JAG1: variants seen among roughly 807,000 people sequenced by gnomAD.
The protein encoded by JAG1 is protein jagged-1.
In JAG1, 23 loss-of-function variants were observed where a neutral mutation model predicts 148.7. That is an observed-to-expected ratio of 0.15 (90% CI 0.11 to 0.22). The LOEUF is 0.22. Ranked by LOEUF, JAG1 falls within the 10% of genes least tolerant of loss-of-function variation. The pLI is 1.00. For missense variants in JAG1, 1,054 were observed against 1,611.2 expected (o/e 0.65, Z 5.92); for synonymous variants, 572 against 598.3 (o/e 0.96, Z 0.64).
At chr20:10,655,489 C>G (rs1055926395) in intron 5 of JAG1, among the ~76,000 whole-genome samples, 1 of 152,144 alleles carries the variant, frequency 6.6e-6, no homozygotes, top group Non-Finnish European at 1.5e-5. Context: ...CTGGGCTCAG[C>G]CCAGACCTAT....
intron 11 of JAG1, 45 bp from the exon 12 acceptor site, chr20:10,648,767 T>C (rs552780720): frequency 2.2e-5 from 35 of 1,578,582 alleles, no homozygotes; most frequent in Admixed American, 6.7e-5. Flanking sequence ...TTTTTTTCTA[T>C]GTATTCCACA....
At chr20:10,647,327 A>G in intron 13 of JAG1, 1 of 550,572 alleles carries the variant, frequency 1.8e-6, no homozygotes, top group African/African-American at 1.9e-5. Context: ...CCTCCACACA[A>G]CCAGGAAAAC....
intron 2 of JAG1, among the ~76,000 whole-genome samples, chr20:10,670,974 C>T (rs2067491286): frequency 6.6e-6 from 1 of 152,256 alleles, no homozygotes; most frequent in Non-Finnish European, 1.5e-5. Context: ...AGCGAGGGAG[C>T]AAGCCTCCTT....
chr20:10,649,728 G>T, intron 9 of JAG1, 93 bp from the exon 10 acceptor site: 2 of 750,208 alleles, frequency 2.7e-6, no homozygotes, highest in Non-Finnish European at 4.8e-6. Flanking sequence ...GTTTGTCTGA[G>T]ACATGAGACA....
chr20:10,658,406 G>A (rs1446240018), intron 4 of JAG1, 62 bp downstream of exon 4: 2 of 1,602,980 alleles, frequency 1.2e-6, no homozygotes, highest in Non-Finnish European at 1.7e-6. Flanking sequence ...GCCTGCTGGT[G>A]GGGTGATAAA....
chr20:10,663,983 T>C lies in JAG1; in HGVS notation c.419A>G (p.Asp140Gly). 1.2e-6 allele frequency: 2 copies of C among 1,613,874 alleles called. No homozygotes were observed. The highest frequency in any genetic ancestry group is 1.7e-6 in the Non-Finnish European group (2 of 1,179,796). ...CTTACGAACGGTGTCATTACTGGAA[T>C]CCCACGCCTCCACAAGCAACGTATA... The part of the protein sequence containing the change: ...RSYTLLVEAW[D>G]SSNDTVQPDS... Residue 140 changes from aspartate to glycine, a missense_variant, in exon 3 of 26, where the codon GAT (aspartate) becomes GGT (glycine). Coordinates refer to ENST00000254958, the MANE Select transcript of JAG1 (RefSeq NM_000214.3).
At chr20:10,647,916 G>A in intron 13 of JAG1, 44 bp downstream of exon 13, 9 of 1,609,388 alleles carry the variant, frequency 5.6e-6, no homozygotes, top group Non-Finnish European at 7.6e-6. Flanking sequence ...GGGGACAAAA[G>A]GAGCAAGTCT....
At chr20:10,662,574 C>G (rs1017996457) in intron 3 of JAG1, 7 of 152,758 alleles carry the variant, frequency 4.6e-5, no homozygotes, top group East Asian at 1.9e-4. Flanking sequence ...ATGTCTCCCC[C>G]CTCCTCAACC....
chr20:10,647,930 G>C, intron 13 of JAG1, 30 bp downstream of exon 13: 1 of 1,613,194 alleles, frequency 6.2e-7, no homozygotes, highest in Non-Finnish European at 8.5e-7. Context: ...CAAGTCTGGA[G>C]ACAGCCAGGT....
chr20:10,646,198 C>T, intron 14 of JAG1, 114 bp from the exon 15 acceptor site: 1 of 742,900 alleles, frequency 1.3e-6, no homozygotes, highest in Non-Finnish European at 2.4e-6. Context: ...GCACCTCCAC[C>T]TGCTACCCTC....
chr20:10,656,531 A>G (rs762429402), intron 4 of JAG1, 73 bp from the exon 5 acceptor site: 45 of 1,288,084 alleles, frequency 3.5e-5, no homozygotes, highest in Non-Finnish European at 4.8e-5. Context: ...AGAATGGCCC[A>G]TTGCATTAAA....
intron 25 of JAG1, among the ~76,000 whole-genome samples, chr20:10,640,547 T>C (rs1295197247): frequency 6.6e-6 from 1 of 152,182 alleles, no homozygotes; most frequent in African/African-American, 2.4e-5. Context: ...TCTAGCACAA[T>C]ACCTGTTCTG....
chr20:10,638,350 T>A lies in JAG1; in HGVS notation c.*1148A>T, dbSNP rs1173522256. On this transcript the variant is annotated 3_prime_UTR_variant, in exon 26 of 26. Transcript: ENST00000254958. ...ATTATGTACGAATGGTGAAAAGAAA[T>A]CAGAATTTACAAAGTAAGATTGGTG... is the stretch of plus-strand genomic sequence containing the variant. 1.3e-5 allele frequency: 2 copies of A among 152,582 alleles called. No homozygotes were observed. The highest frequency in any genetic ancestry group is 4.8e-5 in the African/African-American group (2 of 41,422). 9.5% of individuals were successfully genotyped at this position (152,582 alleles called of 1,614,324 possible).
chr20:10,638,291 TAAA>T lies in JAG1; in HGVS notation c.*1204_*1206del, dbSNP rs34134142. The T allele has an allele frequency of 6.6e-6, 1 of 150,478 alleles. No homozygotes were observed. Among genetic ancestry groups the T allele is most frequent in the South Asian group, 2.1e-4 (1 of 4,742 alleles). The allele number at this position is 150,478 out of a possible 1,614,324, so 9.3% of individuals were successfully genotyped here. On this transcript the variant is annotated 3_prime_UTR_variant, in exon 26 of 26. Coordinates refer to ENST00000254958, the MANE Select transcript of JAG1 (RefSeq NM_000214.3). Reference sequence around the variant, plus strand: ...AGAATACTCCCTAAATGCAGTAGATTAAAAAAAAAAATCAAATCTACAAGTGGT... The same window carrying T: ...AGAATACTCCCTAAATGCAGTAGATTAAAAAAAATCAAATCTACAAGTGGT...
chr20:10,644,539 C>A, intron 18 of JAG1, 155 bp from the exon 19 acceptor site: 2 of 709,052 alleles, frequency 2.8e-6, no homozygotes, highest in Non-Finnish European at 2.6e-6. Flanking sequence ...AGGCCCGCAC[C>A]ACACTTAGTT....
At chr20:10,648,333 C>G (rs910945594) in intron 12 of JAG1, among the ~76,000 whole-genome samples, 1 of 151,928 alleles carries the variant, frequency 6.6e-6, no homozygotes, top group African/African-American at 2.4e-5. Context: ...GTGGAGGGAA[C>G]CAAAAAGAAC....
At chr20:10,642,352 C>T in intron 21 of JAG1, 136 bp downstream of exon 21, 4 of 699,072 alleles carry the variant, frequency 5.7e-6, no homozygotes, top group Non-Finnish European at 7.8e-6. Context: ...AGACTCTTCA[C>T]GTTCCCTTTC....
At chr20:10,658,048 T>C (rs868661001) in intron 4 of JAG1, among the ~76,000 whole-genome samples, 22 of 152,110 alleles carry the variant, frequency 1.4e-4, no homozygotes, top group Non-Finnish European at 1.8e-4. Flanking sequence ...AGCAAGAACA[T>C]GGTCTCAACT....
intron 2 of JAG1, among the ~76,000 whole-genome samples, chr20:10,665,373 CTG>C (rs2122634301): frequency 6.6e-6 from 1 of 152,288 alleles, no homozygotes; most frequent in South Asian, 2.1e-4. Context: ...TCACTGATAA[CTG>C]TGGGAAAATG....
Sources: allele counts gnomAD v4.1 joint callset (sites outside exome capture counted in the v4.1 genomes callset), GRCh38; gene constraint gnomAD v4.1.1; transcripts MANE v1.5; gene names NCBI Gene and HGNC (gene_info 2026-07-23, HGNC 2026-07-21).